The following DMXL2 variants were observed in gnomAD, a reference collection of about 807,000 sequenced individuals.
DMXL2 encodes the protein dmX-like protein 2.
A neutral mutation model predicts 331.1 loss-of-function variants in DMXL2; 103 were observed. The ratio of observed to expected loss-of-function variants is 0.31; its 90% CI spans 0.27 to 0.37. The LOEUF (loss-of-function observed/expected upper bound fraction) is 0.37, where lower values mean the gene tolerates loss of function less well. Ranked by LOEUF, DMXL2 falls within the 10% of genes least tolerant of loss-of-function variation. The pLI, the probability that DMXL2 is intolerant of heterozygous loss-of-function variation, is 1.00. For synonymous variants in DMXL2, 1,281 were observed against 1,252.1 expected (o/e 1.02, Z -0.49); for missense variants, 3,171 against 3,642.9 (o/e 0.87, Z 3.33).
At chr15:51,593,081 A>G (rs1421692337) in intron 1 of DMXL2, among the ~76,000 whole-genome samples, 1 of 152,240 alleles carries the variant, frequency 6.6e-6, no homozygotes, top group African/African-American at 2.4e-5. Flanking sequence ...CCTTAAATGT[A>G]AATGGGCTAA....
At chr15:51,555,729 C>A (rs140532201) in intron 6 of DMXL2, among the ~76,000 whole-genome samples, 36 of 152,020 alleles carry the variant, frequency 2.4e-4, no homozygotes, top group Non-Finnish European at 4.7e-4. Flanking sequence ...CAATTTTGTG[C>A]TAATAAATTT....
chr15:51,604,765 A>G (rs1043738753), intron 1 of DMXL2, among the ~76,000 whole-genome samples: 13 of 152,206 alleles, frequency 8.5e-5, no homozygotes, highest in Non-Finnish European at 1.8e-4. Flanking sequence ...ATGGAAAGGT[A>G]AAGGAACTAG....
chr15:51,524,066 A>C (rs1358270787), intron 13 of DMXL2, among the ~76,000 whole-genome samples: 1 of 152,222 alleles, frequency 6.6e-6, no homozygotes, highest in African/African-American at 2.4e-5. Context: ...ACATGTACTA[A>C]AATAGACCAG....
In DMXL2 at chr15:51,547,342, G is replaced by T; in HGVS notation, c.634C>A (p.His212Asn). 6.2e-7 allele frequency: 1 copy of T among 1,612,378 alleles called. No homozygotes were observed. The highest frequency in any genetic ancestry group is 8.5e-7 in the Non-Finnish European group (1 of 1,178,948). Residue 212 changes from histidine (H) to asparagine (N), a missense_variant, in exon 7 of 44, where the codon CAT (histidine) becomes AAT (asparagine). His to Asn is a moderately conservative substitution (Grantham distance 68). This residue lies in a region of DMXL2 where 1,674 missense variants were observed against 1,780.2 expected (regional missense o/e 0.94). Transcript: ENST00000560891. Reference protein sequence around the residue: ...GWKSSIIPQDHHEVKRRQSST... With the variant: ...GWKSSIIPQDNHEVKRRQSST... The stretch of plus-strand genomic sequence containing the variant: ...GACTGTCTCCTTTTTACTTCATGAT[G>T]ATCCTGAGGTATAATTGAAGACTTC...
At chr15:51,582,345 C>A (rs12443362) in intron 1 of DMXL2, among the ~76,000 whole-genome samples, 67,368 of 151,974 alleles carry the variant, frequency 0.44, 15,496 homozygotes, top group Non-Finnish European at 0.5. Flanking sequence ...ATTTTTCTAT[C>A]GTTTCGTTTT....
intron 19 of DMXL2, among the ~76,000 whole-genome samples, chr15:51,493,180 A>G (rs965760549): frequency 1.3e-5 from 2 of 152,134 alleles, no homozygotes; most frequent in African/African-American, 4.8e-5. Flanking sequence ...TCACTATTTA[A>G]ATCTCTGTCT....
chr15:51,485,815 T>TA (rs1181916645), intron 23 of DMXL2, among the ~76,000 whole-genome samples: 3 of 151,862 alleles, frequency 2.0e-5, no homozygotes, highest in East Asian at 1.9e-4. Flanking sequence ...AATTTCCATT[T>TA]AAAAAAAATG....
intron 1 of DMXL2, among the ~76,000 whole-genome samples, chr15:51,597,869 C>T (rs1339570638): frequency 6.6e-6 from 1 of 152,154 alleles, no homozygotes; most frequent in Non-Finnish European, 1.5e-5. Flanking sequence ...TGATTTCAAT[C>T]TGTCTTTTTG....
intron 1 of DMXL2, among the ~76,000 whole-genome samples, chr15:51,618,528 T>C (rs985149148): frequency 1.3e-5 from 2 of 152,162 alleles, no homozygotes; most frequent in African/African-American, 2.4e-5. Context: ...TTTCCATTTA[T>C]TTCCAACCTT....
intron 9 of DMXL2, 126 bp downstream of exon 9, chr15:51,542,207 C>T: frequency 1.1e-6 from 1 of 892,504 alleles, no homozygotes; most frequent in African/African-American, 1.7e-5. Context: ...TATTATATCT[C>T]TACTCCAATT....
At chr15:51,523,843 T>C (rs140914199) in intron 13 of DMXL2, among the ~76,000 whole-genome samples, 5 of 152,322 alleles carry the variant, frequency 3.3e-5, no homozygotes, top group African/African-American at 7.2e-5. Context: ...CAAAAACTTA[T>C]AGAAGTAAAA....
intron 15 of DMXL2, among the ~76,000 whole-genome samples, chr15:51,513,893 T>C (rs74013276): frequency 2.0e-3 from 311 of 152,240 alleles, no homozygotes; most frequent in African/African-American, 7.3e-3. Flanking sequence ...AGTTATAAAG[T>C]TTAAACTAAA....
chr15:51,583,209 C>T (rs529941677), intron 1 of DMXL2, among the ~76,000 whole-genome samples: 48 of 106,978 alleles, frequency 4.5e-4, no homozygotes, highest in African/African-American at 1.7e-3. Flanking sequence ...ATGTGCCATG[C>T]TGGTGCGCTG....
Position 51,487,238 on chromosome 15 carries a change from G to T in DMXL2, c.5217+716C>A, listed in dbSNP as rs148432213. On this transcript the variant is annotated intron_variant, in intron 22 of 43. Coordinates refer to ENST00000560891, the MANE Select transcript of DMXL2 (RefSeq NM_001378457.1). ...TAATATTATAAACTATTATAAAACA[G>T]TACAAACTGGAGTTTCAGTTCCTTA... Among the ~76,000 whole-genome samples the T allele has an allele frequency of 3.6e-3, 543 of 152,090 alleles. 4 individuals carry two copies. The highest frequency in any genetic ancestry group is 5.6e-3 in the Non-Finnish European group (383 of 67,972).
chr15:51,562,061 T>C (rs768553250), intron 6 of DMXL2, among the ~76,000 whole-genome samples: 1 of 152,166 alleles, frequency 6.6e-6, no homozygotes, highest in Non-Finnish European at 1.5e-5. Context: ...AATAGTACAG[T>C]AGGGTGGCAA....
intron 2 of DMXL2, among the ~76,000 whole-genome samples, chr15:51,572,355 T>A (rs1294953630): frequency 2.6e-5 from 4 of 151,644 alleles, no homozygotes; most frequent in African/African-American, 9.7e-5. Context: ...CTACCAGAGG[T>A]ACAAAAAGGA....
At chr15:51,503,726 A>G (rs1025638900) in intron 16 of DMXL2, among the ~76,000 whole-genome samples, 2 of 152,188 alleles carry the variant, frequency 1.3e-5, no homozygotes, top group African/African-American at 4.8e-5. Flanking sequence ...AATGTTCCCA[A>G]TCCGAAGAAA....
intron 33 of DMXL2, chr15:51,460,247 A>C: frequency 1.0e-6 from 1 of 985,660 alleles, no homozygotes; most frequent in Non-Finnish European, 1.2e-6. Context: ...TCTGCTGTGG[A>C]AACTCTGAAG....
chr15:51,577,213 G>T (rs1238228062), intron 1 of DMXL2, among the ~76,000 whole-genome samples: 1 of 152,148 alleles, frequency 6.6e-6, no homozygotes, highest in East Asian at 1.9e-4. Context: ...CCCTTAAGCA[G>T]TGTGGTTACG....
Sources: gnomAD v4.1 joint callset for allele counts (sites outside exome capture counted in the v4.1 genomes callset) on GRCh38, gnomAD v4.1.1 for gene constraint, gnomAD v4.1.1 regional missense constraint, MANE v1.5 for transcripts, NCBI Gene and HGNC (gene_info 2026-07-23, HGNC 2026-07-21) for gene names.